GRM7: variants seen among roughly 807,000 people sequenced by gnomAD.
GRM7 encodes glutamate metabotropic receptor 7.
In GRM7, 35 loss-of-function variants were observed where a neutral mutation model predicts 84.5. That is an observed-to-expected ratio of 0.41 (90% CI 0.32 to 0.55). The LOEUF (loss-of-function observed/expected upper bound fraction) is 0.55. Ranked by LOEUF, GRM7 falls within the 20% of genes least tolerant of loss-of-function variation. GRM7 has a pLI of 0.19. For synonymous variants in GRM7, 487 were observed against 455.1 expected, an observed-to-expected ratio of 1.07 and a Z score of -0.89; for missense variants, 1,003 against 1,194.6, an observed-to-expected ratio of 0.84 and a Z score of 2.36.
intron 9 of GRM7, among the ~76,000 whole-genome samples, chr3:7,698,865 A>C (rs1283838604): frequency 6.6e-6 from 1 of 152,166 alleles, no homozygotes; most frequent in African/African-American, 2.4e-5. Flanking sequence ...CTTAGCTGTG[A>C]ATATTCCCAA....
intron 8 of GRM7, among the ~76,000 whole-genome samples, chr3:7,662,996 C>T (rs1173129516): frequency 6.6e-6 from 1 of 152,076 alleles, no homozygotes; most frequent in Non-Finnish European, 1.5e-5. Flanking sequence ...TTGTAGGGTG[C>T]TCAGGTGATC....
intron 4 of GRM7, among the ~76,000 whole-genome samples, chr3:7,331,311 A>G (rs933865998): frequency 2.0e-5 from 3 of 152,232 alleles, no homozygotes; most frequent in Non-Finnish European, 2.9e-5. Context: ...AAAGAGTGTC[A>G]TGATGGAGAA....
intron 7 of GRM7, among the ~76,000 whole-genome samples, chr3:7,511,475 TTGC>T (rs1700209079): frequency 6.7e-6 from 1 of 150,008 alleles, no homozygotes; most frequent in Admixed American, 6.6e-5. Flanking sequence ...TTGTGACTGC[TTGC>T]CATCAAGATT....
chr3:7,120,802 A>T (rs983609433), intron 1 of GRM7, among the ~76,000 whole-genome samples: 1 of 152,112 alleles, frequency 6.6e-6, no homozygotes, highest in Non-Finnish European at 1.5e-5. Flanking sequence ...TTACACATAG[A>T]CCATAACAAG....
intron 9 of GRM7, among the ~76,000 whole-genome samples, chr3:7,701,194 C>T (rs1701212676): frequency 6.6e-6 from 1 of 152,106 alleles, no homozygotes; most frequent in Non-Finnish European, 1.5e-5. Flanking sequence ...TGGCAGGCTG[C>T]CCAGTCTGTC....
chr3:6,891,317 C>T (rs569990087), intron 1 of GRM7, among the ~76,000 whole-genome samples: 7 of 152,300 alleles, frequency 4.6e-5, no homozygotes, highest in Admixed American at 2.6e-4. Flanking sequence ...GATGCAGTTT[C>T]TTCCTGGCCT....
At chr3:7,414,930 GA>G in intron 4 of GRM7, 92 bp from the exon 5 acceptor site, 1 of 986,276 alleles carries the variant, frequency 1.0e-6, no homozygotes, top group Non-Finnish European at 1.4e-6. Flanking sequence ...CCAATTCACT[GA>G]AACAAAGAAA....
At chr3:7,168,176 G>A (rs932596182) in intron 2 of GRM7, among the ~76,000 whole-genome samples, 1 of 151,902 alleles carries the variant, frequency 6.6e-6, no homozygotes, top group African/African-American at 2.4e-5. Flanking sequence ...TATAAGCATT[G>A]CCTTTTCGTA....
At chr3:7,516,198 A>G (rs892733839) in intron 7 of GRM7, among the ~76,000 whole-genome samples, 1 of 141,732 alleles carries the variant, frequency 7.1e-6, no homozygotes, top group Non-Finnish European at 1.5e-5. Flanking sequence ...AGGGCTGGGC[A>G]CGGTGGCTCA....
intron 2 of GRM7, among the ~76,000 whole-genome samples, chr3:7,222,946 T>C (rs1330624591): frequency 6.6e-6 from 1 of 152,200 alleles, no homozygotes; most frequent in East Asian, 1.9e-4. Flanking sequence ...AATGACAGCA[T>C]ATCTGGATAG....
intron 1 of GRM7, among the ~76,000 whole-genome samples, chr3:7,097,318 A>G (rs1288691264): frequency 1.3e-5 from 2 of 152,174 alleles, no homozygotes; most frequent in Non-Finnish European, 2.9e-5. Flanking sequence ...TTTCAATGCA[A>G]TAACTATCCA....
intron 8 of GRM7, among the ~76,000 whole-genome samples, chr3:7,671,009 C>G (rs1158747726): frequency 1.3e-5 from 2 of 152,244 alleles, no homozygotes; most frequent in Non-Finnish European, 2.9e-5. Flanking sequence ...TTAGTGCTCT[C>G]AAACCAGCAG....
intron 4 of GRM7, among the ~76,000 whole-genome samples, chr3:7,316,681 A>T (rs1419499897): frequency 1.3e-5 from 2 of 152,192 alleles, no homozygotes; most frequent in Non-Finnish European, 2.9e-5. Flanking sequence ...AACAAACAGC[A>T]ATGCCAATTC....
chr3:7,193,796 A>G (rs1695793377), intron 2 of GRM7, among the ~76,000 whole-genome samples: 1 of 152,118 alleles, frequency 6.6e-6, no homozygotes, highest in African/African-American at 2.4e-5. Flanking sequence ...TCAAGCTACA[A>G]CATATAGAAA....
At chr3:7,107,238 C>T (rs1258575052) in intron 1 of GRM7, among the ~76,000 whole-genome samples, 1 of 152,020 alleles carries the variant, frequency 6.6e-6, no homozygotes, top group Non-Finnish European at 1.5e-5. Context: ...TTCTGTTCAC[C>T]TCCGGAGTAT....
chr3:6,971,660 A>C (rs905618990), intron 1 of GRM7, among the ~76,000 whole-genome samples: 1 of 152,156 alleles, frequency 6.6e-6, no homozygotes, highest in African/African-American at 2.4e-5. Context: ...ATCAACTACT[A>C]TTCAGGTTTG....
chr3:7,348,000 T>C (rs1178200930), intron 4 of GRM7, among the ~76,000 whole-genome samples: 7 of 152,166 alleles, frequency 4.6e-5, no homozygotes, highest in Non-Finnish European at 1.0e-4. Flanking sequence ...ATTATTTATA[T>C]TTTATAGAAG....
Position 7,461,697 on chromosome 3 carries a change from A to G in GRM7, c.1490A>G (p.Gln497Arg), listed in dbSNP as rs896796641. 6.2e-7 allele frequency: 1 copy of G among 1,613,918 alleles called. No individual in the cohort carries two copies. Residue 497 changes from glutamine (Q) to arginine (R), a missense_variant, in exon 7 of 10, where the codon CAG (glutamine) becomes CGG (arginine). By Grantham distance (43) the Gln-to-Arg change is conservative. Transcript: ENST00000357716. ...TSNPGYRLIG[Q>R]WTDELQLNIE... ...AACCCGGGTTACCGTCTGATCGGGC[A>G]GTGGACAGACGAACTTCAGCTCAAT...
Position 6,868,928 on chromosome 3 carries a change from A to ACGGCTG in GRM7, c.519+7023_519+7028dup, listed in dbSNP as rs566025679. ...TTGGGTGTTGTGCTTTTGTCATTCCACGGCTGCTGACTTTCTTTTATTCTT... is the reference window on the plus strand; with the variant it reads ...TTGGGTGTTGTGCTTTTGTCATTCCACGGCTGCGGCTGCTGACTTTCTTTTATTCTT... On this transcript the variant is annotated intron_variant, in intron 1 of 9. Coordinates refer to ENST00000357716, the MANE Select transcript of GRM7 (RefSeq NM_000844.4). Among the ~76,000 whole-genome samples, 685 of 152,244 alleles carry ACGGCTG rather than the reference A, an allele frequency of 4.5e-3. 6 individuals carry two copies. Among genetic ancestry groups the ACGGCTG allele is most frequent in the African/African-American group, 0.014 (594 of 41,546 alleles).
Sources: allele counts gnomAD v4.1 joint callset (sites outside exome capture counted in the v4.1 genomes callset), GRCh38; gene constraint gnomAD v4.1.1; transcripts MANE v1.5; gene names NCBI Gene and HGNC (gene_info 2026-07-23, HGNC 2026-07-21).